Variants in IFT22 observed in about 807,000 individuals in gnomAD.
The protein encoded by IFT22 is intraflagellar transport protein 22 homolog.
A neutral mutation model predicts 21.0 loss-of-function variants in IFT22; 13 were observed. That is an observed-to-expected ratio of 0.62 (90% confidence interval 0.40 to 0.98). The LOEUF is 0.98. Among genes scored for constraint, IFT22 ranks in the 50% least tolerant of loss-of-function variants. The pLI is 0.00. For synonymous variants in IFT22, 67 were observed against 82.4 expected (o/e 0.81, Z 1.01); for missense variants, 227 against 228.9 (o/e 0.99, Z 0.06).
intron 4 of IFT22, chr7:101,315,696 CTTT>C: frequency 5.3e-6 from 1 of 188,444 alleles, no homozygotes; most frequent in Non-Finnish European, 1.1e-5. Flanking sequence ...GTATTCTGCT[CTTT>C]TTTTTTTTGA....
In IFT22 at chr7:101,311,434, C is replaced by T. The variant is rs150478481; in HGVS notation, c.*3700G>A. On this transcript the variant is annotated 3_prime_UTR_variant, in exon 5 of 5. Coordinates refer to ENST00000315322, the MANE Select transcript of IFT22 (RefSeq NM_022777.4). ...TTTAGTTCAGTTGACATTAATAATACGCATGGTAATCCTAACAGGTGAATG... is the reference window on the plus strand; with the variant it reads ...TTTAGTTCAGTTGACATTAATAATATGCATGGTAATCCTAACAGGTGAATG... Among the ~76,000 whole-genome samples, 3 of 152,242 alleles carry T rather than the reference C, an allele frequency of 2.0e-5. No homozygotes were observed. Among genetic ancestry groups the T allele is most frequent in the Middle Eastern group, 3.4e-3 (1 of 294 alleles).
At chr7:101,315,371 C>T (rs1320646696) in intron 4 of IFT22, 89 bp from the exon 5 acceptor site, 2 of 1,412,320 alleles carry the variant, frequency 1.4e-6, no homozygotes, top group Non-Finnish European at 2.0e-6. Flanking sequence ...AGAAATTTAA[C>T]TTTCTGAAGT....
At chr7:101,318,687 A>G in intron 2 of IFT22, 1 of 387,174 alleles carries the variant, frequency 2.6e-6, no homozygotes, top group East Asian at 4.6e-5. Context: ...CCCAGGCTGG[A>G]GTGCAGTGGC....
At position 101,319,003 on chromosome 7, in the gene IFT22, CAG is replaced by C. The variant is rs750588425; in HGVS notation, c.67_68del (p.Leu23AspfsTer5). Reference protein sequence around the residue: ...ESGKTVLANFLTESSDITEYS... With the variant: ...ESGKTVLANFXTESSDITEYS... ...ATTCAGTGATGTCAGAAGATTCTGT[CAG>C]AAAGTTGGCCAAAACAGTTTTTCCA... is the stretch of plus-strand genomic sequence containing the variant. On this transcript the variant is annotated frameshift_variant, in exon 2 of 5. Coordinates refer to ENST00000315322, the MANE Select transcript of IFT22 (RefSeq NM_022777.4). LOFTEE classifies it high-confidence loss of function. 3.1e-6 allele frequency: 5 copies of C among 1,613,982 alleles called. No homozygotes were observed. In the South Asian group the frequency reaches 5.5e-5, roughly 18 times the overall value.
intron 1 of IFT22, 113 bp from the exon 2 acceptor site, chr7:101,319,145 A>G (rs1264605541): frequency 3.2e-6 from 3 of 938,786 alleles, no homozygotes; most frequent in Non-Finnish European, 5.0e-6. Context: ...GGTCATGGGC[A>G]CCCTGAGATC....
intron 1 of IFT22, among the ~76,000 whole-genome samples, chr7:101,321,183 C>T (rs1790335981): frequency 6.6e-6 from 1 of 151,106 alleles, no homozygotes; most frequent in Admixed American, 6.6e-5. Flanking sequence ...TTTAGTCGGG[C>T]GTGGTGGTGC....
At chr7:101,321,516 C>T in intron 1 of IFT22, 155 bp downstream of exon 1, 1 of 699,834 alleles carries the variant, frequency 1.4e-6, no homozygotes, top group African/African-American at 1.9e-5. Context: ...GCACCGAGTT[C>T]ACGGAAAGGG....
Position 101,319,021 on chromosome 7 carries a change from A to G in IFT22, c.51T>C (p.Thr17=), listed in dbSNP as rs769329100. 6 of 1,613,856 alleles carry G rather than the reference A, an allele frequency of 3.7e-6. No individual in the cohort carries two copies. The highest frequency in any genetic ancestry group is 4.2e-6 in the Non-Finnish European group (5 of 1,179,918). The change falls in exon 2 of 5, where the codon ACT becomes ACC. Residue 17 remains threonine, a synonymous_variant. Coordinates refer to ENST00000315322, the MANE Select transcript of IFT22 (RefSeq NM_022777.4). ...ATTCTGTCAGAAAGTTGGCCAAAAC[A>G]GTTTTTCCACTCTGTGAAAATGAGT... ...LFVGPCESGK[T]VLANFLTESS... is the part of the protein sequence containing the mutation.
chr7:101,318,883 A>T, intron 2 of IFT22, 73 bp downstream of exon 2: 2 of 1,186,214 alleles, frequency 1.7e-6, no homozygotes, highest in Admixed American at 3.4e-5. Flanking sequence ...CTCCCAGAGC[A>T]CTGGGATTAG....
chr7:101,316,584 C>G, intron 3 of IFT22, 42 bp from the exon 4 acceptor site: 1 of 1,592,796 alleles, frequency 6.3e-7, no homozygotes, highest in Non-Finnish European at 8.6e-7. Context: ...TTAGGTCATT[C>G]TGGTTTCTAA....
In IFT22 at chr7:101,315,471, C is replaced by A. The variant is rs569584612; in HGVS notation, c.410-189G>T. The A allele has an allele frequency of 1.7e-4, 107 of 618,036 alleles. No individual in the cohort carries two copies. The African/African-American group carries it at 1.8e-3, about 10-fold the overall frequency. The allele number at this position is 618,036 out of a possible 1,614,324, so 38.3% of individuals were successfully genotyped here. A position where few individuals can be genotyped will look rare whatever the true frequency, so the allele number is the denominator to read the frequency against. On this transcript the variant is annotated intron_variant, in intron 4 of 4. Transcript: ENST00000315322. The stretch of plus-strand genomic sequence containing the variant: ...GCGACAGGATGAAAACCTTACAAAC[C>A]ACTTTCCAGGTCTTCTGTTCTTAAA...
In IFT22 at chr7:101,314,463, TTA is replaced by T. The variant is rs1399832185; in HGVS notation, c.*669_*670del. On this transcript the variant is annotated 3_prime_UTR_variant, in exon 5 of 5. Transcript: ENST00000315322. ...AGCCACCACGCCCCGCCTAGAACTC[TTA>T]TAGAGAATGAAGAATGCGTTTTGAT... 1 of 152,214 alleles carries T rather than the reference TTA, an allele frequency of 6.6e-6. No individual in the cohort carries two copies. Among genetic ancestry groups the T allele is most frequent in the African/African-American group, 2.4e-5 (1 of 41,456 alleles). The allele number at this position is 152,214 out of a possible 1,614,324, so 9.4% of individuals were successfully genotyped here.
At chr7:101,316,171 GTATTTT>G (rs1398593394) in intron 4 of IFT22, 163 bp downstream of exon 4, 9 of 626,806 alleles carry the variant, frequency 1.4e-5, no homozygotes, top group Non-Finnish European at 2.2e-5. Context: ...GCTAATTTTT[GTATTTT>G]TAGTAGAGAC....
chr7:101,315,997 CTTTT>C (rs59453200), intron 4 of IFT22: 139 of 141,792 alleles, frequency 9.8e-4, no homozygotes, highest in Middle Eastern at 3.2e-3. Flanking sequence ...GGTCTTTTCT[CTTTT>C]TTTTTTTTTT....
chr7:101,321,641 C>G (rs1401921399), intron 1 of IFT22, 30 bp downstream of exon 1: 1 of 1,584,020 alleles, frequency 6.3e-7, no homozygotes, highest in South Asian at 1.1e-5. Flanking sequence ...CTGCTCCCCG[C>G]TCCCTCTGCC....
chr7:101,320,768 T>G (rs951947779), intron 1 of IFT22, among the ~76,000 whole-genome samples: 2 of 152,214 alleles, frequency 1.3e-5, no homozygotes, highest in Admixed American at 1.3e-4. Flanking sequence ...TTTGAGAGAC[T>G]GAGGCGGGAG....
chr7:101,318,506 C>T lies in IFT22; in HGVS notation c.117-293G>A, dbSNP rs568953676. 2.4e-5 allele frequency: 7 copies of T among 294,626 alleles called. No individual in the cohort carries two copies. The East Asian group carries it at 3.2e-4, about 13-fold the overall frequency. 18.3% of individuals were successfully genotyped at this position (294,626 alleles called of 1,614,324 possible). ...CCACACTCCAGCCTCAGCGACAGGA[C>T]GAGACTCCATCCCAAAAAAAAAAGA... is the stretch of plus-strand genomic sequence containing the variant. On this transcript the variant is annotated intron_variant, in intron 2 of 4. Transcript: ENST00000315322.
intron 1 of IFT22, among the ~76,000 whole-genome samples, chr7:101,320,212 C>G (rs1790293384): frequency 1.3e-5 from 2 of 151,872 alleles, no homozygotes; most frequent in African/African-American, 4.8e-5. Context: ...CTGCATTGGC[C>G]TCCCAAAGTG....
In IFT22 at chr7:101,312,033, CTCACCGTA is replaced by C. The variant is rs1188036987; in HGVS notation, c.*3093_*3100del. Reference sequence around the variant, plus strand: ...ACTTGCTTCTACAATAAACCGTAAACTCACCGTATCTAGTGATTCTGTACATTAAATCT... The same window carrying C: ...ACTTGCTTCTACAATAAACCGTAAACTCTAGTGATTCTGTACATTAAATCT... On this transcript the variant is annotated 3_prime_UTR_variant, in exon 5 of 5. Transcript: ENST00000315322. Among the ~76,000 whole-genome samples the C allele has an allele frequency of 6.6e-6, 1 of 152,118 alleles. No individual in the cohort carries two copies. The highest frequency in any genetic ancestry group is 6.6e-5 in the Admixed American group (1 of 15,238).
Sources: allele counts gnomAD v4.1 joint callset (sites outside exome capture counted in the v4.1 genomes callset), GRCh38; gene constraint gnomAD v4.1.1; transcripts MANE v1.5; gene names NCBI Gene and HGNC (gene_info 2026-07-23, HGNC 2026-07-21).